Variants in MAD1L1 observed in about 807,000 individuals in gnomAD.
MAD1L1 encodes the protein mitotic arrest deficient 1 like 1.
A neutral mutation model predicts 96.9 loss-of-function variants in MAD1L1; 95 were observed. The observed-to-expected ratio is 0.98, with a 90% confidence interval of 0.83 to 1.16. The LOEUF (loss-of-function observed/expected upper bound fraction) is 1.16. MAD1L1 is among the 50% of genes most tolerant of loss of function. The pLI is 0.00. For missense variants in MAD1L1, 1,007 were observed against 954.4 expected (o/e 1.06, Z -0.73); for synonymous variants, 473 against 396.6 (o/e 1.19, Z -2.29).
intron 10 of MAD1L1, among the ~76,000 whole-genome samples, chr7:2,199,922 G>C (rs924507183): frequency 6.6e-6 from 1 of 152,238 alleles, no homozygotes; most frequent in South Asian, 2.1e-4. Flanking sequence ...AGTGAAGCCT[G>C]GATGAAAGGG....
chr7:2,151,875 C>T (rs1201290647), intron 10 of MAD1L1, among the ~76,000 whole-genome samples: 5 of 152,214 alleles, frequency 3.3e-5, no homozygotes, highest in Non-Finnish European at 5.9e-5. Flanking sequence ...GCCTCTGTCT[C>T]ATGTCATGGG....
chr7:1,961,749 T>C (rs1204475872), intron 15 of MAD1L1, among the ~76,000 whole-genome samples: 1 of 152,098 alleles, frequency 6.6e-6, no homozygotes, highest in Non-Finnish European at 1.5e-5. Flanking sequence ...GCGGGAGGGA[T>C]ATGGTGGGAG....
intron 18 of MAD1L1, among the ~76,000 whole-genome samples, chr7:1,842,545 C>CTG (rs1482715731): frequency 1.3e-5 from 2 of 152,274 alleles, no homozygotes; most frequent in African/African-American, 4.8e-5. Context: ...GCTCACTGGC[C>CTG]CCCCAGGCCT....
intron 9 of MAD1L1, among the ~76,000 whole-genome samples, chr7:2,215,405 T>C (rs1367290457): frequency 6.9e-6 from 1 of 145,454 alleles, no homozygotes; most frequent in Non-Finnish European, 1.5e-5. Flanking sequence ...AGCCCACAAA[T>C]GTAATATTTT....
intron 12 of MAD1L1, among the ~76,000 whole-genome samples, chr7:2,037,713 CAA>C (rs1426115267): frequency 6.6e-6 from 1 of 152,138 alleles, no homozygotes; most frequent in African/African-American, 2.4e-5. Flanking sequence ...CCTCAGACGG[CAA>C]AAGCTTCACC....
chr7:2,177,034 G>C (rs1365707610), intron 10 of MAD1L1, among the ~76,000 whole-genome samples: 1 of 151,938 alleles, frequency 6.6e-6, no homozygotes, highest in African/African-American at 2.4e-5. Flanking sequence ...TTTCAGAAAT[G>C]GTGCGCTTCA....
chr7:2,132,854 CA>C (rs1322897363), intron 11 of MAD1L1, among the ~76,000 whole-genome samples: 2 of 152,214 alleles, frequency 1.3e-5, no homozygotes, highest in Non-Finnish European at 2.9e-5. Flanking sequence ...AACTGATCCC[CA>C]CGATTGGAAG....
chr7:1,994,851 A>AT (rs1373242191), intron 14 of MAD1L1, among the ~76,000 whole-genome samples: 2 of 152,050 alleles, frequency 1.3e-5, no homozygotes, highest in Non-Finnish European at 2.9e-5. Flanking sequence ...GTTTTATTTT[A>AT]TTTTTTTAAA....
chr7:1,923,984 G>T (rs1433709284), intron 17 of MAD1L1, among the ~76,000 whole-genome samples: 1 of 152,212 alleles, frequency 6.6e-6, no homozygotes, highest in African/African-American at 2.4e-5. Context: ...ATTCTCCAGA[G>T]AACTTAAGAA....
At chr7:1,929,050 G>T (rs1445815613) in intron 17 of MAD1L1, among the ~76,000 whole-genome samples, 1 of 152,180 alleles carries the variant, frequency 6.6e-6, no homozygotes, top group Non-Finnish European at 1.5e-5. Flanking sequence ...GCCCAGGCAG[G>T]GACACCAAAC....
At chr7:2,147,847 C>T (rs556113122) in intron 11 of MAD1L1, among the ~76,000 whole-genome samples, 5 of 152,248 alleles carry the variant, frequency 3.3e-5, no homozygotes, top group Non-Finnish European at 5.9e-5. Flanking sequence ...TTCCGTGTGG[C>T]CCTGGACACA....
intron 12 of MAD1L1, among the ~76,000 whole-genome samples, chr7:2,058,953 C>T (rs1272777588): frequency 1.1e-5 from 1 of 94,314 alleles, no homozygotes; most frequent in Admixed American, 1.1e-4. Context: ...AGGAGAGGCG[C>T]GGGGCTAGAG....
chr7:2,227,130 C>T (rs1349823311), intron 3 of MAD1L1, among the ~76,000 whole-genome samples: 2 of 151,982 alleles, frequency 1.3e-5, no homozygotes, highest in Non-Finnish European at 2.9e-5. Flanking sequence ...CCTGTCTCTA[C>T]TCAAAACTAT....
chr7:1,847,534 C>T (rs920935150), intron 18 of MAD1L1: 1 of 470,994 alleles, frequency 2.1e-6, no homozygotes, highest in African/African-American at 2.0e-5. Flanking sequence ...TGGGAGAGAC[C>T]AGACCAGTCC....
At chr7:2,072,908 C>G (rs1226099387) in intron 11 of MAD1L1, among the ~76,000 whole-genome samples, 1 of 152,206 alleles carries the variant, frequency 6.6e-6, no homozygotes, top group African/African-American at 2.4e-5. Flanking sequence ...GGGCTGGAGT[C>G]CCCCCGCCAC....
Position 2,062,565 on chromosome 7 carries a change from A to G in MAD1L1, c.1218+6629T>C, listed in dbSNP as rs1784709191. 1.3e-5 allele frequency among the ~76,000 whole-genome samples: 2 copies of G among 151,626 alleles called. 1 individual carries two copies. Among genetic ancestry groups the G allele is most frequent in the South Asian group, 4.2e-4 (2 of 4,798 alleles). ...ACTCCAGCCTGGGCAACAAAGAGAG[A>G]CTCTGTCTCAAACAAAAAAAAAACA... On this transcript the variant is annotated intron_variant, in intron 12 of 18. Transcript: ENST00000265854.
At chr7:1,878,738 C>G (rs1048420935) in intron 18 of MAD1L1, among the ~76,000 whole-genome samples, 21 of 147,632 alleles carry the variant, frequency 1.4e-4, no homozygotes, top group Non-Finnish European at 2.5e-4. Context: ...ATGTCCCCCC[C>G]CCCCCATTCT....
chr7:2,144,973 A>C (rs1789222257), intron 11 of MAD1L1, among the ~76,000 whole-genome samples: 1 of 152,132 alleles, frequency 6.6e-6, no homozygotes, highest in African/African-American at 2.4e-5. Flanking sequence ...GGCTAAAGGA[A>C]GGGAGAAACA....
chr7:1,824,237 T>C (rs184084849), intron 18 of MAD1L1, among the ~76,000 whole-genome samples: 9 of 152,080 alleles, frequency 5.9e-5, no homozygotes, highest in African/African-American at 2.2e-4. Flanking sequence ...CACCTGCTTG[T>C]GCGGGCCTGG....
Sources: allele counts gnomAD v4.1 joint callset (sites outside exome capture counted in the v4.1 genomes callset), GRCh38; gene constraint gnomAD v4.1.1; transcripts MANE v1.5; gene names NCBI Gene and HGNC (gene_info 2026-07-23, HGNC 2026-07-21).